Variants in TMPRSS11F observed in about 807,000 individuals in gnomAD.
TMPRSS11F encodes transmembrane protease serine 11F.
Under a neutral mutation model 60.2 loss-of-function variants are expected in TMPRSS11F, and 47 were observed. The ratio of observed to expected loss-of-function variants is 0.78; its 90% CI spans 0.62 to 1.00. TMPRSS11F has a LOEUF of 1.00. Among genes scored for constraint, TMPRSS11F ranks in the 50% least tolerant of loss-of-function variants. TMPRSS11F has a pLI of 0.00. For synonymous variants in TMPRSS11F, 166 were observed against 167.3 expected, an observed-to-expected ratio of 0.99 and a Z score of 0.06; for missense variants, 519 against 522.9, an observed-to-expected ratio of 0.99 and a Z score of 0.07.
At chr4:68,071,381 T>C (rs778391317) in intron 5 of TMPRSS11F, among the ~76,000 whole-genome samples, 11 of 152,174 alleles carry the variant, frequency 7.2e-5, no homozygotes, top group Non-Finnish European at 1.3e-4. Flanking sequence ...TGCATGACTA[T>C]TGGGAAGGGA....
chr4:68,081,244 C>T (rs183851562), intron 3 of TMPRSS11F, among the ~76,000 whole-genome samples: 91 of 152,252 alleles, frequency 6.0e-4, no homozygotes, highest in African/African-American at 2.0e-3. Context: ...GGATGGGAGT[C>T]ATGAGAATTT....
intron 3 of TMPRSS11F, among the ~76,000 whole-genome samples, chr4:68,083,826 A>T (rs1264856733): frequency 6.6e-6 from 1 of 152,204 alleles, no homozygotes; most frequent in Non-Finnish European, 1.5e-5. Flanking sequence ...AATGTTTCTT[A>T]ACCAGACTGA....
chr4:68,095,592 T>C (rs990049780), intron 2 of TMPRSS11F, among the ~76,000 whole-genome samples: 1 of 152,080 alleles, frequency 6.6e-6, no homozygotes, highest in Non-Finnish European at 1.5e-5. Flanking sequence ...GTATTATCCA[T>C]GATGATAAAA....
At chr4:68,081,649 C>G (rs1723698181) in intron 3 of TMPRSS11F, among the ~76,000 whole-genome samples, 1 of 152,254 alleles carries the variant, frequency 6.6e-6, no homozygotes, top group South Asian at 2.1e-4. Flanking sequence ...ACGAGCAAGT[C>G]TCAGTATGTA....
At chr4:68,059,129 TA>T (rs1723103927) in intron 9 of TMPRSS11F, among the ~76,000 whole-genome samples, 196 bp downstream of exon 9, 1 of 152,136 alleles carries the variant, frequency 6.6e-6, no homozygotes, top group East Asian at 1.9e-4. Context: ...AAATAATGTA[TA>T]AAAAGTGCTT....
At chr4:68,104,002 T>C (rs541816359) in intron 1 of TMPRSS11F, among the ~76,000 whole-genome samples, 5 of 152,352 alleles carry the variant, frequency 3.3e-5, no homozygotes, top group Non-Finnish European at 4.4e-5. Context: ...ATGTTGATTT[T>C]GTACCCCGCA....
intron 3 of TMPRSS11F, among the ~76,000 whole-genome samples, chr4:68,074,953 A>G (rs372741482): frequency 3.3e-5 from 5 of 152,318 alleles, no homozygotes; most frequent in African/African-American, 1.2e-4. Context: ...AAAATCAGCC[A>G]GAGTCATAAT....
intron 1 of TMPRSS11F, among the ~76,000 whole-genome samples, chr4:68,105,194 T>C (rs925967907): frequency 1.3e-5 from 2 of 151,976 alleles, no homozygotes; most frequent in South Asian, 2.1e-4. Flanking sequence ...TATCATACTT[T>C]GTATTGCATC....
Position 68,082,774 on chromosome 4 carries a change from A to G in TMPRSS11F, c.282+7749T>C, listed in dbSNP as rs541499267. 3.3e-5 allele frequency among the ~76,000 whole-genome samples: 5 copies of G among 152,344 alleles called. No homozygotes were observed. In the East Asian group the frequency reaches 9.6e-4, roughly 29 times the overall value. ...CAGGGGAAGAGCCCCCACTCTCAGA[A>G]CACTGAGAAGAGTGAGACATGGATT... On this transcript the variant is annotated intron_variant, in intron 3 of 9. Coordinates refer to ENST00000356291, the MANE Select transcript of TMPRSS11F (RefSeq NM_207407.2).
chr4:68,125,186 T>C (rs2109892527), intron 1 of TMPRSS11F, among the ~76,000 whole-genome samples: 1 of 151,664 alleles, frequency 6.6e-6, no homozygotes. Flanking sequence ...TAGATTATAC[T>C]GTATATTTTT....
chr4:68,114,667 C>T (rs1724478909), intron 1 of TMPRSS11F, among the ~76,000 whole-genome samples: 1 of 150,998 alleles, frequency 6.6e-6, no homozygotes, highest in Non-Finnish European at 1.5e-5. Flanking sequence ...GATAACAAAA[C>T]CAAAGACATT....
intron 1 of TMPRSS11F, 68 bp downstream of exon 1, chr4:68,129,742 A>T: frequency 6.9e-7 from 1 of 1,458,574 alleles, no homozygotes; most frequent in Non-Finnish European, 9.6e-7. Context: ...CATCTGTACT[A>T]CCTGTCTCAG....
At chr4:68,108,041 G>A (rs951259421) in intron 1 of TMPRSS11F, among the ~76,000 whole-genome samples, 73 of 152,292 alleles carry the variant, frequency 4.8e-4, no homozygotes, top group African/African-American at 1.7e-3. Context: ...GGGCAGCAGC[G>A]AAGATGTGAA....
intron 8 of TMPRSS11F, among the ~76,000 whole-genome samples, chr4:68,063,842 A>G (rs1723259571): frequency 6.6e-6 from 1 of 152,210 alleles, no homozygotes. Context: ...TGCTCAAAAT[A>G]TTTACAACCC....
chr4:68,105,049 G>GTTTTTTTTT (rs34041075), intron 1 of TMPRSS11F, among the ~76,000 whole-genome samples: 2 of 55,192 alleles, frequency 3.6e-5, no homozygotes, highest in African/African-American at 7.7e-5. Flanking sequence ...TTCCCTCTAG[G>GTTTTTTTTT]TTTTTTTTTT....
At chr4:68,076,935 C>CA (rs984610953) in intron 3 of TMPRSS11F, among the ~76,000 whole-genome samples, 1 of 152,162 alleles carries the variant, frequency 6.6e-6, no homozygotes, top group African/African-American at 2.4e-5. Context: ...TGCAAGTGTA[C>CA]ACACACTGGC....
chr4:68,099,709 TTTAC>T (rs1370050675), intron 1 of TMPRSS11F, among the ~76,000 whole-genome samples: 4 of 152,204 alleles, frequency 2.6e-5, no homozygotes, highest in African/African-American at 9.6e-5. Flanking sequence ...TGCTTTTCTC[TTTAC>T]TTAATCAATA....
chr4:68,077,291 G>A (rs1560398597), intron 3 of TMPRSS11F: 2 of 152,296 alleles, frequency 1.3e-5, no homozygotes, highest in African/African-American at 4.8e-5. Flanking sequence ...GAAAAGAAGT[G>A]CAGAAAGGAA....
intron 1 of TMPRSS11F, among the ~76,000 whole-genome samples, chr4:68,127,529 G>C (rs930772503): frequency 1.3e-5 from 2 of 150,464 alleles, no homozygotes; most frequent in African/African-American, 4.9e-5. Context: ...ACTTTAAATA[G>C]TTCTCTAGTG....
Sources: allele counts gnomAD v4.1 joint callset (sites outside exome capture counted in the v4.1 genomes callset), GRCh38; gene constraint gnomAD v4.1.1; transcripts MANE v1.5; gene names NCBI Gene and HGNC (gene_info 2026-07-23, HGNC 2026-07-21).